Variants in TGFA observed in about 807,000 individuals in gnomAD.
TGFA encodes the protein transforming growth factor alpha, also known as protransforming growth factor alpha.
TGFA carries 12 observed loss-of-function variants against 21.7 expected under a neutral mutation model. The observed-to-expected ratio is 0.55, with a 90% CI of 0.35 to 0.90. The LOEUF (loss-of-function observed/expected upper bound fraction) is 0.90. Among genes scored for constraint, TGFA ranks in the 40% least tolerant of loss-of-function variants. TGFA has a pLI of 0.01. For missense variants in TGFA, 178 were observed against 210.8 expected (o/e 0.84, Z 0.96); for synonymous variants, 79 against 88.1 (o/e 0.90, Z 0.58).
chr2:70,455,229 A>ACCACCAGTGCTCACAGGTCCTGCTGCC (rs1390706439), intron 4 of TGFA, among the ~76,000 whole-genome samples: 2 of 152,184 alleles, frequency 1.3e-5, no homozygotes, highest in Non-Finnish European at 2.9e-5. Context: ...CAGGAGAAGG[A>ACCACCAGTGCTCACAGGTCCTGCTGCC]TGTGAGCAGG....
At chr2:70,539,878 G>C (rs1553505030) in intron 1 of TGFA, among the ~76,000 whole-genome samples, 2 of 152,148 alleles carry the variant, frequency 1.3e-5, no homozygotes, top group African/African-American at 4.8e-5. Flanking sequence ...CCCGTGCCAG[G>C]TGTGGTCTGT....
chr2:70,504,811 A>G (rs1246617308), intron 2 of TGFA, among the ~76,000 whole-genome samples: 1 of 152,144 alleles, frequency 6.6e-6, no homozygotes, highest in African/African-American at 2.4e-5. Flanking sequence ...GGTCTGAGTG[A>G]GATGTATGTG....
chr2:70,462,900 CTTG>C (rs1336073529), intron 3 of TGFA, among the ~76,000 whole-genome samples: 1 of 152,132 alleles, frequency 6.6e-6, no homozygotes, highest in Non-Finnish European at 1.5e-5. Flanking sequence ...ATAGGAAAAA[CTTG>C]TTAAGAGTTT....
At chr2:70,456,931 C>A (rs1303258067) in intron 3 of TGFA, among the ~76,000 whole-genome samples, 1 of 152,130 alleles carries the variant, frequency 6.6e-6, no homozygotes, top group East Asian at 1.9e-4. Flanking sequence ...TGTGGTTTGC[C>A]TTTTTATCTT....
At chr2:70,459,359 T>TG (rs1670342417) in intron 3 of TGFA, among the ~76,000 whole-genome samples, 1 of 152,204 alleles carries the variant, frequency 6.6e-6, no homozygotes. Flanking sequence ...ACAACTGACC[T>TG]GTGAGGTTGC....
intron 1 of TGFA, among the ~76,000 whole-genome samples, chr2:70,539,121 T>C (rs558215514): frequency 1.7e-4 from 26 of 152,354 alleles, no homozygotes; most frequent in African/African-American, 6.3e-4. Context: ...TTAAGGTATG[T>C]AATTTGTTTA....
At chr2:70,550,988 C>T (rs566475743) in intron 1 of TGFA, among the ~76,000 whole-genome samples, 1 of 152,190 alleles carries the variant, frequency 6.6e-6, no homozygotes, top group Admixed American at 6.5e-5. Context: ...ATGAGATAAA[C>T]GAAAACCTAC....
chr2:70,546,525 G>C (rs1673309510), intron 1 of TGFA, among the ~76,000 whole-genome samples: 1 of 152,098 alleles, frequency 6.6e-6, no homozygotes, highest in Non-Finnish European at 1.5e-5. Flanking sequence ...CCAGGCTGGA[G>C]TGCAGTGGCT....
rs569741531 is a variant in TGFA at position 70,529,146 on chromosome 2, T to C, written c.41-14234A>G. Reference sequence around the variant, plus strand: ...GTCAGGTGTGTGAGGTGGAGGGGAGTGTTTTTGGTTCACCGTATTCTCATT... The same window carrying C: ...GTCAGGTGTGTGAGGTGGAGGGGAGCGTTTTTGGTTCACCGTATTCTCATT... On this transcript the variant is annotated intron_variant, in intron 1 of 5. Transcript: ENST00000295400. Among the ~76,000 whole-genome samples, 306 of 152,182 alleles carry C rather than the reference T, an allele frequency of 2.0e-3. 1 individual carries two copies. Among genetic ancestry groups the C allele is most frequent in the Admixed American group, 3.2e-3 (49 of 15,272 alleles).
At chr2:70,509,857 A>G (rs1672040001) in intron 2 of TGFA, among the ~76,000 whole-genome samples, 1 of 152,132 alleles carries the variant, frequency 6.6e-6, no homozygotes. Context: ...CCACCCAACA[A>G]CTTCTTAACC....
chr2:70,547,202 T>C (rs1673331902), intron 1 of TGFA, among the ~76,000 whole-genome samples: 1 of 152,144 alleles, frequency 6.6e-6, no homozygotes, highest in African/African-American at 2.4e-5. Context: ...AGGAAAAATC[T>C]ATATGGTCAA....
rs555441537 is a variant in TGFA at position 70,506,405 on chromosome 2, T to G, written c.94+8454A>C. Among the ~76,000 whole-genome samples, 6 of 152,334 alleles carry G rather than the reference T, an allele frequency of 3.9e-5. No individual in the cohort carries two copies. In the South Asian group the frequency reaches 8.3e-4, roughly 21 times the overall value. ...CCATCCAACTGTAATAAAATGTGGT[T>G]GATGACTAAAAATGCAGATTTCTGG... On this transcript the variant is annotated intron_variant, in intron 2 of 5. Transcript: ENST00000295400.
At chr2:70,463,860 G>A (rs897401542) in intron 3 of TGFA, among the ~76,000 whole-genome samples, 1 of 152,278 alleles carries the variant, frequency 6.6e-6, no homozygotes, top group African/African-American at 2.4e-5. Context: ...CAGTCCCCCA[G>A]GGGCCCCTAG....
chr2:70,483,660 C>T (rs1192056025), intron 2 of TGFA, among the ~76,000 whole-genome samples: 4 of 152,218 alleles, frequency 2.6e-5, no homozygotes, highest in Non-Finnish European at 4.4e-5. Context: ...CTTATTCCTT[C>T]CTTTTTTTAC....
intron 1 of TGFA, among the ~76,000 whole-genome samples, chr2:70,535,598 T>C (rs1375965136): frequency 2.0e-5 from 3 of 152,222 alleles, no homozygotes; most frequent in Non-Finnish European, 4.4e-5. Context: ...AGATATATCC[T>C]ACATGGGATG....
At chr2:70,478,528 C>A (rs1553494877) in intron 2 of TGFA, among the ~76,000 whole-genome samples, 1 of 152,116 alleles carries the variant, frequency 6.6e-6, no homozygotes, top group African/African-American at 2.4e-5. Flanking sequence ...CCATCCTGGC[C>A]CAGAATATCT....
chr2:70,456,593 C>A, intron 3 of TGFA, 105 bp from the exon 4 acceptor site: 1 of 1,360,518 alleles, frequency 7.4e-7, no homozygotes, highest in Non-Finnish European at 9.9e-7. Flanking sequence ...GCAGGTAAAG[C>A]CCAAAGGGGC....
At chr2:70,532,430 G>A (rs1553503822) in intron 1 of TGFA, among the ~76,000 whole-genome samples, 3 of 152,188 alleles carry the variant, frequency 2.0e-5, no homozygotes, top group African/African-American at 7.2e-5. Context: ...ACAGCCCCCA[G>A]AGAGCAGGCA....
chr2:70,467,041 G>T (rs567151188), intron 2 of TGFA, among the ~76,000 whole-genome samples: 94 of 151,980 alleles, frequency 6.2e-4, no homozygotes, highest in African/African-American at 2.1e-3. Context: ...ATACCCTTTT[G>T]GGGGAGGGTG....
Sources: allele counts gnomAD v4.1 joint callset (sites outside exome capture counted in the v4.1 genomes callset), GRCh38; gene constraint gnomAD v4.1.1; transcripts MANE v1.5; gene names NCBI Gene and HGNC (gene_info 2026-07-23, HGNC 2026-07-21).